ABLIM3: variants seen among roughly 807,000 people sequenced by gnomAD.
ABLIM3 encodes actin-binding LIM protein 3.
ABLIM3 carries 61 observed loss-of-function variants against 109.5 expected under a neutral mutation model. The ratio of observed to expected loss-of-function variants is 0.56; its 90% CI spans 0.45 to 0.69. The LOEUF (loss-of-function observed/expected upper bound fraction) is 0.69. Ranked by LOEUF, ABLIM3 falls within the 30% of genes least tolerant of loss-of-function variation. The pLI is 0.00. For synonymous variants in ABLIM3, 300 were observed against 324.8 expected (o/e 0.92, Z 0.82); for missense variants, 796 against 889.5 (o/e 0.89, Z 1.34).
At chr5:149,237,651 T>G in intron 11 of ABLIM3, 48 bp downstream of exon 11, 1 of 1,607,486 alleles carries the variant, frequency 6.2e-7, no homozygotes, top group South Asian at 1.1e-5. Flanking sequence ...GAAAGGAGAT[T>G]GCTCTGGGGT....
intron 8 of ABLIM3, 66 bp from the exon 9 acceptor site, chr5:149,230,582 TG>T: frequency 6.5e-7 from 1 of 1,541,716 alleles, no homozygotes; most frequent in Non-Finnish European, 9.0e-7. Context: ...TGAATCAAGG[TG>T]GGACATGGGG....
At chr5:149,197,431 G>A (rs1734890911) in intron 3 of ABLIM3, among the ~76,000 whole-genome samples, 1 of 152,074 alleles carries the variant, frequency 6.6e-6, no homozygotes, top group South Asian at 2.1e-4. Flanking sequence ...CTTACTGCTT[G>A]CACCGGTTCC....
chr5:149,146,866 T>G (rs1461276918), intron 2 of ABLIM3, among the ~76,000 whole-genome samples: 3 of 152,218 alleles, frequency 2.0e-5, no homozygotes, highest in Non-Finnish European at 4.4e-5. Context: ...TGTTGCTAGT[T>G]TGATAGGAAT....
intron 2 of ABLIM3, among the ~76,000 whole-genome samples, chr5:149,159,363 T>G (rs1754123973): frequency 6.6e-6 from 1 of 152,160 alleles, no homozygotes. Context: ...AGAGTTTGCC[T>G]TTGACTGGGG....
chr5:149,249,965 C>T (rs1036431404), intron 19 of ABLIM3, 121 bp downstream of exon 19: 4 of 1,197,910 alleles, frequency 3.3e-6, no homozygotes, highest in East Asian at 2.3e-5. Context: ...CACTCCTGAT[C>T]TCAAATAGTC....
In ABLIM3 at chr5:149,259,345, C is replaced by T. The variant is rs994639054; in HGVS notation, c.*941C>T. On this transcript the variant is annotated 3_prime_UTR_variant, in exon 24 of 24. Transcript: ENST00000309868. The stretch of plus-strand genomic sequence containing the variant: ...ACAATCTATGTGCCTGACAACTCAA[C>T]ACACCGCAGGGCTAATGTTCCCACC... 1 of 1,436,352 alleles carries T rather than the reference C, an allele frequency of 7.0e-7. No individual in the cohort carries two copies. The highest frequency in any genetic ancestry group is 9.1e-7 in the Non-Finnish European group (1 of 1,098,994). The allele number at this position is 1,436,352 out of a possible 1,614,324, so 89.0% of individuals were successfully genotyped here.
intron 2 of ABLIM3, among the ~76,000 whole-genome samples, chr5:149,151,997 G>A (rs755250000): frequency 3.9e-5 from 6 of 152,118 alleles, no homozygotes; most frequent in Admixed American, 3.3e-4. Context: ...CAATGTAAAG[G>A]GACACGTCTT....
chr5:149,230,379 C>T (rs1366099059), intron 8 of ABLIM3, among the ~76,000 whole-genome samples: 1 of 152,130 alleles, frequency 6.6e-6, no homozygotes, highest in African/African-American at 2.4e-5. Flanking sequence ...AGAGAAGTCA[C>T]CCCCAACTGG....
intron 5 of ABLIM3, among the ~76,000 whole-genome samples, chr5:149,205,238 A>G (rs1175639849): frequency 6.6e-6 from 1 of 152,216 alleles, no homozygotes; most frequent in Non-Finnish European, 1.5e-5. Context: ...GACAGTCATG[A>G]CAATCATACC....
intron 5 of ABLIM3, among the ~76,000 whole-genome samples, chr5:149,206,674 G>A (rs1213537092): frequency 6.6e-6 from 1 of 152,202 alleles, no homozygotes; most frequent in African/African-American, 2.4e-5. Flanking sequence ...TGCTGACGCT[G>A]CAGATGGCAA....
intron 8 of ABLIM3, chr5:149,217,281 G>T: frequency 1.8e-6 from 1 of 552,848 alleles, no homozygotes; most frequent in Non-Finnish European, 3.3e-6. Context: ...TCCACCCGCT[G>T]CCCAGCTGGA....
intron 2 of ABLIM3, among the ~76,000 whole-genome samples, chr5:149,147,926 GT>G (rs1753078528): frequency 6.6e-6 from 1 of 152,098 alleles, no homozygotes; most frequent in African/African-American, 2.4e-5. Context: ...GTGATGGGTG[GT>G]CACACTGTCA....
At chr5:149,181,261 G>T (rs1756427938) in intron 2 of ABLIM3, among the ~76,000 whole-genome samples, 1 of 151,422 alleles carries the variant, frequency 6.6e-6, no homozygotes, top group African/African-American at 2.4e-5. Context: ...AAAGAAAAGA[G>T]AATAAGATTA....
At position 149,225,982 on chromosome 5, in the gene ABLIM3, GTATATATATATATATATA is replaced by G. The variant is rs58844908; in HGVS notation, c.758-4639_758-4622del. Among the ~76,000 whole-genome samples the G allele has an allele frequency of 3.1e-3, 142 of 45,512 alleles. 1 individual carries two copies. Among genetic ancestry groups the G allele is most frequent in the African/African-American group, 9.2e-3 (108 of 11,730 alleles). 29.9% of individuals were successfully genotyped at this position (45,512 alleles called of 152,430 possible). On this transcript the variant is annotated intron_variant, in intron 8 of 23. Coordinates refer to ENST00000309868, the MANE Select transcript of ABLIM3 (RefSeq NM_014945.5). The stretch of plus-strand genomic sequence containing the variant: ...TATGTGTGTGTGTGTGTGTGTGTGT[GTATATATATATATATATA>G]TATATATATATATATATATATATAT...
intron 18 of ABLIM3, 145 bp from the exon 19 acceptor site, chr5:149,249,670 G>C: frequency 1.2e-6 from 1 of 834,126 alleles, no homozygotes; most frequent in Non-Finnish European, 2.0e-6. Flanking sequence ...AAACTGACCA[G>C]TTCAGGAGGG....
At chr5:149,193,916 T>C (rs367691097) in intron 3 of ABLIM3, among the ~76,000 whole-genome samples, 25 of 152,290 alleles carry the variant, frequency 1.6e-4, no homozygotes, top group African/African-American at 6.0e-4. Flanking sequence ...TGTATATCAT[T>C]CCCTAAAGTC....
intron 10 of ABLIM3, among the ~76,000 whole-genome samples, chr5:149,233,752 T>C (rs186809038): frequency 4.7e-4 from 72 of 152,236 alleles, no homozygotes; most frequent in African/African-American, 1.7e-3. Flanking sequence ...CACATACACA[T>C]GTGGAAACAT....
chr5:149,191,884 G>C (rs1256022196), intron 3 of ABLIM3, among the ~76,000 whole-genome samples: 1 of 152,136 alleles, frequency 6.6e-6, no homozygotes, highest in African/African-American at 2.4e-5. Context: ...TTGAGACGGA[G>C]TCTTGCTCTG....
At chr5:149,169,579 A>G (rs531143078) in intron 2 of ABLIM3, among the ~76,000 whole-genome samples, 1 of 152,318 alleles carries the variant, frequency 6.6e-6, no homozygotes, top group East Asian at 1.9e-4. Flanking sequence ...AAGTCAGGAA[A>G]GGTCACAACC....
Sources: allele counts gnomAD v4.1 joint callset (sites outside exome capture counted in the v4.1 genomes callset), GRCh38; gene constraint gnomAD v4.1.1; transcripts MANE v1.5; gene names NCBI Gene and HGNC (gene_info 2026-07-23, HGNC 2026-07-21).